Variants in ERBB4 observed in about 807,000 individuals in gnomAD.
The protein encoded by ERBB4 is receptor tyrosine-protein kinase erbB-4.
Under a neutral mutation model 158.0 loss-of-function variants are expected in ERBB4, and 42 were observed. That is an observed-to-expected ratio of 0.27 (90% CI 0.21 to 0.34). The LOEUF (loss-of-function observed/expected upper bound fraction) is 0.34. Among genes scored for constraint, ERBB4 ranks in the 10% least tolerant of loss-of-function variants. The pLI is 1.00. For missense variants in ERBB4, 1,333 were observed against 1,624.1 expected (o/e 0.82, Z 3.08); for synonymous variants, 583 against 558.7 (o/e 1.04, Z -0.61).
chr2:212,282,169 C>T lies in ERBB4; in HGVS notation c.83-157266G>A, dbSNP rs76908685. Among the ~76,000 whole-genome samples, 435 of 151,818 alleles carry T rather than the reference C, an allele frequency of 2.9e-3. 5 individuals are homozygous for T. The highest frequency in any genetic ancestry group is 6.8e-3 in the Middle Eastern group (2 of 294). On this transcript the variant is annotated intron_variant, in intron 1 of 27. Transcript: ENST00000342788. The stretch of plus-strand genomic sequence containing the variant: ...ACCATCTGGACTTTGTTACGTAGCC[C>T]GATGCTGCCCATAGAAAAGATTAAC...
chr2:212,140,843 A>T (rs1176073206), intron 1 of ERBB4, among the ~76,000 whole-genome samples: 1 of 130,364 alleles, frequency 7.7e-6, no homozygotes, highest in African/African-American at 3.0e-5. Context: ...ACTAGGAAAC[A>T]TGAGTGTGTG....
At chr2:211,428,598 G>A in intron 21 of ERBB4, 115 bp from the exon 22 acceptor site, 2 of 588,806 alleles carry the variant, frequency 3.4e-6, no homozygotes, top group Non-Finnish European at 6.2e-6. Flanking sequence ...TATTATGTGT[G>A]TATAGATATA....
In ERBB4 at chr2:211,376,415, T is replaced by G; in HGVS notation, c.*7200A>C. The G allele has an allele frequency of 4.3e-6, 1 of 232,810 alleles. No homozygotes were observed. The highest frequency in any genetic ancestry group is 1.8e-4 in the South Asian group (1 of 5,516). The allele number at this position is 232,810 out of a possible 1,614,324, so 14.4% of individuals were successfully genotyped here. A position where few individuals can be genotyped will look rare whatever the true frequency, so the allele number is the denominator to read the frequency against. ...ACAAGCTATAAAAATACTATTCACA[T>G]TTTCAAACATACAGTAGTATTTTTT... On this transcript the variant is annotated 3_prime_UTR_variant, in exon 28 of 28. Transcript: ENST00000342788.
At chr2:212,003,152 A>AAGGAAGGAAG (rs1559292454) in intron 2 of ERBB4, among the ~76,000 whole-genome samples, 49 of 23,012 alleles carry the variant, frequency 2.1e-3, no homozygotes, top group African/African-American at 2.6e-3. Context: ...AAGGAAGGAA[A>AAGGAAGGAAG]GAAAGAAAGA....
chr2:211,759,806 A>AGTGTGT (rs67981670), intron 4 of ERBB4, among the ~76,000 whole-genome samples: 1,605 of 150,030 alleles, frequency 0.011, 33 homozygotes, highest in African/African-American at 0.037. Context: ...CATTTTCTAG[A>AGTGTGT]GTGTGTGTGT....
chr2:212,067,399 T>C (rs553075565), intron 2 of ERBB4, among the ~76,000 whole-genome samples: 5 of 152,152 alleles, frequency 3.3e-5, no homozygotes, highest in South Asian at 2.1e-4. Flanking sequence ...TGTCATTAGA[T>C]TGTAGACTTA....
At chr2:211,551,820 A>C (rs1490429938) in intron 20 of ERBB4, among the ~76,000 whole-genome samples, 1 of 152,206 alleles carries the variant, frequency 6.6e-6, no homozygotes, top group Non-Finnish European at 1.5e-5. Context: ...ATGCAGAAGG[A>C]AATGGCTGGA....
chr2:212,254,100 TA>T (rs199666510), intron 1 of ERBB4, among the ~76,000 whole-genome samples: 101 of 150,512 alleles, frequency 6.7e-4, no homozygotes, highest in African/African-American at 2.1e-3. Flanking sequence ...CTGTAAAATT[TA>T]AAAAAAAAAT....
At chr2:212,146,427 G>A (rs1302603061) in intron 1 of ERBB4, among the ~76,000 whole-genome samples, 1 of 152,170 alleles carries the variant, frequency 6.6e-6, no homozygotes, top group Non-Finnish European at 1.5e-5. Flanking sequence ...AGCATATGGT[G>A]CTAAGCTAGT....
chr2:212,188,246 C>CT, intron 1 of ERBB4, among the ~76,000 whole-genome samples: 1 of 69,118 alleles, frequency 1.4e-5, no homozygotes, highest in East Asian at 7.4e-4. Context: ...CCCCCCCTCT[C>CT]ACCCCCTCCC....
intron 4 of ERBB4, among the ~76,000 whole-genome samples, chr2:211,774,149 T>TG (rs2075813722): frequency 6.6e-6 from 1 of 151,848 alleles, no homozygotes; most frequent in African/African-American, 2.4e-5. Context: ...CTTGGCTCAC[T>TG]GGAACCTCTG....
intron 2 of ERBB4, among the ~76,000 whole-genome samples, chr2:211,985,754 TACTC>T (rs930880567): frequency 2.0e-5 from 3 of 152,056 alleles, no homozygotes; most frequent in African/African-American, 7.2e-5. Flanking sequence ...TATTTAAAAA[TACTC>T]AAATAATTCC....
At chr2:211,697,350 G>A (rs1211927471) in intron 12 of ERBB4, among the ~76,000 whole-genome samples, 5 of 152,024 alleles carry the variant, frequency 3.3e-5, no homozygotes, top group African/African-American at 9.7e-5. Flanking sequence ...TTTCAATATT[G>A]TTTTTAAAGT....
intron 3 of ERBB4, among the ~76,000 whole-genome samples, chr2:211,904,269 C>T (rs1047087907): frequency 2.0e-5 from 3 of 151,950 alleles, no homozygotes; most frequent in Non-Finnish European, 4.4e-5. Flanking sequence ...TGTAGAGAAC[C>T]GAACACTGCA....
In ERBB4 at chr2:212,430,442, T is replaced by A. The variant is rs940585138; in HGVS notation, c.82+108007A>T. Among the ~76,000 whole-genome samples the A allele has an allele frequency of 5.5e-5, 8 of 146,048 alleles. No homozygotes were observed. The South Asian group carries it at 1.8e-3, about 32-fold the overall frequency. ...GCAATTACTTCGCATGTTGGTTTTT[T>A]TTTTTTTCTTTTCTTTTAAATGAAG... On this transcript the variant is annotated intron_variant, in intron 1 of 27. Coordinates refer to ENST00000342788, the MANE Select transcript of ERBB4 (RefSeq NM_005235.3).
intron 1 of ERBB4, among the ~76,000 whole-genome samples, chr2:212,324,100 C>G (rs1048479049): frequency 4.6e-5 from 7 of 150,626 alleles, no homozygotes; most frequent in Admixed American, 1.3e-4. Flanking sequence ...CCCTCTCCTG[C>G]TGGATGTGAA....
chr2:211,693,125 G>T (rs2072882771), intron 12 of ERBB4, among the ~76,000 whole-genome samples: 1 of 152,124 alleles, frequency 6.6e-6, no homozygotes, highest in South Asian at 2.1e-4. Flanking sequence ...TCTGATAGGA[G>T]GAGGTGAGAG....
chr2:212,155,015 ACT>A (rs1436906375), intron 1 of ERBB4, among the ~76,000 whole-genome samples: 3 of 152,162 alleles, frequency 2.0e-5, no homozygotes, highest in African/African-American at 4.8e-5. Context: ...GTTAATGGAA[ACT>A]CAGCGGATGA....
At chr2:212,496,172 T>C (rs1271362111) in intron 1 of ERBB4, among the ~76,000 whole-genome samples, 1 of 150,526 alleles carries the variant, frequency 6.6e-6, no homozygotes, top group Non-Finnish European at 1.5e-5. Context: ...TTAAACATTT[T>C]AGGATGTTTA....
Sources: allele counts gnomAD v4.1 joint callset (sites outside exome capture counted in the v4.1 genomes callset), GRCh38; gene constraint gnomAD v4.1.1; transcripts MANE v1.5; gene names NCBI Gene and HGNC (gene_info 2026-07-23, HGNC 2026-07-21).